THOC7: variants seen among roughly 807,000 people sequenced by gnomAD.
The protein encoded by THOC7 is NIF3L1-binding protein 1.
THOC7 carries 22 observed loss-of-function variants against 33.1 expected under a neutral mutation model. That is an observed-to-expected ratio of 0.66 (90% CI 0.47 to 0.95). The LOEUF is 0.95. Ranked by LOEUF, THOC7 falls within the 40% of genes least tolerant of loss-of-function variation. THOC7 has a pLI of 0.00. For missense variants in THOC7, 184 were observed against 245.3 expected (o/e 0.75, Z 1.67); for synonymous variants, 77 against 76.8 (o/e 1.00, Z -0.01).
intron 1 of THOC7, chr3:63,848,595 C>T (rs570563641): frequency 3.3e-5 from 5 of 152,294 alleles, no homozygotes; most frequent in African/African-American, 1.2e-4. Flanking sequence ...GATGCTGTGG[C>T]ATGTCTTTAA....
intron 1 of THOC7, among the ~76,000 whole-genome samples, chr3:63,853,157 G>GAAAAAAAAAAAA (rs1195911287): frequency 1.4e-5 from 1 of 73,494 alleles, no homozygotes. Flanking sequence ...TCTCAAAAAA[G>GAAAAAAAAAAAA]AAAAAAAAAA....
At chr3:63,844,979 A>T in intron 1 of THOC7, 1 of 667,596 alleles carries the variant, frequency 1.5e-6, no homozygotes, top group East Asian at 2.7e-5. Flanking sequence ...ATAAATAAAG[A>T]CAATTGAGAT....
At chr3:63,860,256 G>A (rs930549991) in intron 1 of THOC7, among the ~76,000 whole-genome samples, 47 of 150,438 alleles carry the variant, frequency 3.1e-4, no homozygotes, top group Non-Finnish European at 1.9e-4. Context: ...TGTTGCTTAG[G>A]ATGGTCGCAA....
intron 1 of THOC7, among the ~76,000 whole-genome samples, chr3:63,844,824 T>C (rs1488433458): frequency 6.6e-6 from 1 of 152,214 alleles, no homozygotes; most frequent in Non-Finnish European, 1.5e-5. Flanking sequence ...TCAAATAAAC[T>C]TTTATTGCTT....
chr3:63,848,439 C>T lies in THOC7; in HGVS notation c.20-8666G>A, dbSNP rs1437953346. On this transcript the variant is annotated intron_variant, in intron 1 of 7. Coordinates refer to ENST00000295899, the MANE Select transcript of THOC7 (RefSeq NM_025075.4). ...TATGAGCTGGAAGTCCTTCCCACCCCCCACCTTCAAGCTGTCCTGCTTTTC... is the reference window on the plus strand; with the variant it reads ...TATGAGCTGGAAGTCCTTCCCACCCTCCACCTTCAAGCTGTCCTGCTTTTC... 3 of 152,154 alleles carry T rather than the reference C, an allele frequency of 2.0e-5. No individual in the cohort carries two copies. In the South Asian group the frequency reaches 6.2e-4, roughly 32 times the overall value. The allele number at this position is 152,154 out of a possible 1,614,324, so 9.4% of individuals were successfully genotyped here.
rs189777868 is a variant in THOC7, at chr3:63,857,127, C to A, written c.19+6645G>T. Reference sequence around the variant, plus strand: ...ATGGAACTCAAACTCAGGAGTCAGGCTCCAGAGAAGATACTTTTACCTTTT... The same window carrying A: ...ATGGAACTCAAACTCAGGAGTCAGGATCCAGAGAAGATACTTTTACCTTTT... On this transcript the variant is annotated intron_variant, in intron 1 of 7. Transcript: ENST00000295899. Among the ~76,000 whole-genome samples, 40 of 152,272 alleles carry A rather than the reference C, an allele frequency of 2.6e-4. 1 individual carries two copies. The Middle Eastern group carries it at 0.014, about 52-fold the overall frequency.
upstream of THOC7, chr3:63,863,940 C>T (rs1421601633): frequency 1.0e-4 from 16 of 154,164 alleles, no homozygotes; most frequent in African/African-American, 4.6e-4. Flanking sequence ...ACGCCTGAGC[C>T]GCGCCGCGCC....
intron 1 of THOC7, among the ~76,000 whole-genome samples, chr3:63,848,081 A>G (rs1701938698): frequency 6.6e-6 from 1 of 152,342 alleles, no homozygotes; most frequent in Admixed American, 6.5e-5. Flanking sequence ...AGACATTGAA[A>G]TAAATTGAAG....
chr3:63,856,241 CT>C (rs1190337943), intron 1 of THOC7, among the ~76,000 whole-genome samples: 11 of 151,126 alleles, frequency 7.3e-5, no homozygotes, highest in African/African-American at 2.7e-4. Context: ...TTACGAGAGG[CT>C]GGGAAGAGCT....
rs577311855 is a variant in THOC7 at position 63,839,163 on chromosome 3, C to T, written c.137+493G>A. ...CAAGATTGTGCCATTGCACTCCAGCCTGAACAACAGAATGAGACTCTGTCT... is the reference window on the plus strand; with the variant it reads ...CAAGATTGTGCCATTGCACTCCAGCTTGAACAACAGAATGAGACTCTGTCT... On this transcript the variant is annotated intron_variant, in intron 2 of 7. Coordinates refer to ENST00000295899, the MANE Select transcript of THOC7 (RefSeq NM_025075.4). Among the ~76,000 whole-genome samples the T allele has an allele frequency of 3.3e-5, 5 of 152,114 alleles. No homozygotes were observed. In the South Asian group the frequency reaches 1.0e-3, roughly 32 times the overall value.
intron 1 of THOC7, among the ~76,000 whole-genome samples, chr3:63,862,731 A>C (rs1170203388): frequency 6.6e-6 from 1 of 152,186 alleles, no homozygotes; most frequent in East Asian, 1.9e-4. Flanking sequence ...AGGCATTTAC[A>C]GTTACCGGTC....
intron 1 of THOC7, chr3:63,844,935 G>C: frequency 1.7e-6 from 1 of 587,012 alleles, no homozygotes; most frequent in South Asian, 2.1e-5. Context: ...ACCTGAAAAT[G>C]TGGAAGCGGC....
At chr3:63,841,706 GT>G (rs1442787871) in intron 1 of THOC7, among the ~76,000 whole-genome samples, 11 of 152,288 alleles carry the variant, frequency 7.2e-5, no homozygotes, top group African/African-American at 2.6e-4. Flanking sequence ...AATGCTTTCG[GT>G]TTTTTAACCA....
chr3:63,836,337 A>G lies in THOC7; in HGVS notation c.374T>C (p.Val125Ala). The G allele has an allele frequency of 2.5e-6, 4 of 1,612,692 alleles. No individual in the cohort carries two copies. Among genetic ancestry groups the G allele is most frequent in the Non-Finnish European group, 3.4e-6 (4 of 1,179,148 alleles). The change falls in exon 5 of 8, where the codon GTG becomes GCG. Residue 125 changes from valine to alanine, a missense_variant. This residue lies in a region of THOC7 where 157 missense variants were observed against 201.3 expected (regional missense o/e 0.78). Coordinates refer to ENST00000295899, the MANE Select transcript of THOC7 (RefSeq NM_025075.4). Reference sequence around the variant, plus strand: ...ATGCCTGTCTGGATGGTGCTGAATCACTTTTGCCAAAGCATCATATTCTGT... The same window carrying G: ...ATGCCTGTCTGGATGGTGCTGAATCGCTTTTGCCAAAGCATCATATTCTGT... ...NRQEYDALAK[V>A]IQHHPDRHET...
At chr3:63,834,674 A>G (rs1701592376) in intron 7 of THOC7, among the ~76,000 whole-genome samples, 1 of 151,932 alleles carries the variant, frequency 6.6e-6, no homozygotes, top group Non-Finnish European at 1.5e-5. Flanking sequence ...AAAAAAAAGA[A>G]AAGAAAAAAT....
At chr3:63,852,045 C>T (rs1702029189) in intron 1 of THOC7, among the ~76,000 whole-genome samples, 1 of 152,168 alleles carries the variant, frequency 6.6e-6, no homozygotes, top group Non-Finnish European at 1.5e-5. Flanking sequence ...TGGCACAGTG[C>T]TCCTCGGCCA....
intron 1 of THOC7, among the ~76,000 whole-genome samples, chr3:63,852,218 C>T (rs1702034196): frequency 6.6e-6 from 1 of 152,156 alleles, no homozygotes; most frequent in Non-Finnish European, 1.5e-5. Flanking sequence ...TCAAAGGATG[C>T]TGTGGACAGC....
At chr3:63,864,471 G>C (rs1056545807), upstream of THOC7, 9 of 152,104 alleles carry the variant, frequency 5.9e-5, no homozygotes, top group African/African-American at 2.2e-4. Flanking sequence ...GGGCGCGGCC[G>C]GCAATCAAAA....
intron 1 of THOC7, among the ~76,000 whole-genome samples, chr3:63,851,199 A>T (rs1468451375): frequency 6.6e-6 from 1 of 152,214 alleles, no homozygotes; most frequent in East Asian, 1.9e-4. Flanking sequence ...TCAAGCATCA[A>T]ATGGTATGTC....
Sources: allele counts gnomAD v4.1 joint callset (sites outside exome capture counted in the v4.1 genomes callset), GRCh38; gene constraint gnomAD v4.1.1; regional missense constraint gnomAD v4.1.1; transcripts MANE v1.5; gene names NCBI Gene and HGNC (gene_info 2026-07-23, HGNC 2026-07-21).